LNPEP: variants seen among roughly 807,000 people sequenced by gnomAD.
The protein encoded by LNPEP is leucyl-cystinyl aminopeptidase.
LNPEP carries 64 observed loss-of-function variants against 120.6 expected under a neutral mutation model. That is an observed-to-expected ratio of 0.53 (90% confidence interval 0.43 to 0.65). The LOEUF (loss-of-function observed/expected upper bound fraction) is 0.65, where lower values mean the gene tolerates loss of function less well. Among genes scored for constraint, LNPEP ranks in the 30% least tolerant of loss-of-function variants. The pLI, the probability that LNPEP is intolerant of heterozygous loss-of-function variation, is 0.00. For synonymous variants in LNPEP, 435 were observed against 425.4 expected (o/e 1.02, Z -0.28); for missense variants, 1,057 against 1,200.0 (o/e 0.88, Z 1.76).
At position 96,994,112 on chromosome 5, in the gene LNPEP, C is replaced by A. The variant is rs1790453712; in HGVS notation, c.1407+141C>A. 5 of 681,994 alleles carry A rather than the reference C, an allele frequency of 7.3e-6. No homozygotes were observed. The South Asian group carries it at 1.1e-4, about 15-fold the overall frequency. The allele number at this position is 681,994 out of a possible 1,614,324, so 42.2% of individuals were successfully genotyped here. A position where few individuals can be genotyped will look rare whatever the true frequency, so the allele number is the denominator to read the frequency against. The stretch of plus-strand genomic sequence containing the variant: ...ATAATAGAAAGATGCTTTTTAAACA[C>A]AAACTTCATTTTCAAATGAAAATGC... On this transcript the variant is annotated intron_variant, in intron 6 of 17. Transcript: ENST00000231368.
intron 9 of LNPEP, among the ~76,000 whole-genome samples, chr5:97,004,542 G>A (rs1790733451): frequency 6.6e-6 from 1 of 151,324 alleles, no homozygotes; most frequent in Admixed American, 6.6e-5. Context: ...AAAGATCACA[G>A]ACTTATTTGG....
rs1182684955 is a variant in LNPEP at position 96,998,054 on chromosome 5, A to G, written c.1562A>G (p.Lys521Arg). The G allele has an allele frequency of 6.3e-7, 1 of 1,582,676 alleles. No individual in the cohort carries two copies. Among genetic ancestry groups the G allele is most frequent in the South Asian group, 1.1e-5 (1 of 88,452 alleles). ...FLDARFKTMK[K>R]DSLNSSHPIS... The stretch of plus-strand genomic sequence containing the variant: ...GATGCTCGATTTAAAACCATGAAGA[A>G]AGATTCCTTAAATTCATCTCATCCA... The change falls in exon 8 of 18, where the codon AAA becomes AGA. Residue 521 changes from lysine (K) to arginine (R), a missense_variant. Physicochemically the swap from Lys to Arg is conservative, Grantham distance 26 (BLOSUM62 2). Coordinates refer to ENST00000231368, the MANE Select transcript of LNPEP (RefSeq NM_005575.3).
At chr5:96,987,468 T>C (rs916545560) in intron 4 of LNPEP, among the ~76,000 whole-genome samples, 1 of 152,200 alleles carries the variant, frequency 6.6e-6, no homozygotes, top group Admixed American at 6.5e-5. Context: ...CTGCTAGTTT[T>C]GGGTTTCCTT....
rs758111963 is a variant in LNPEP, at chr5:97,001,302, T to C, written c.1654-2113T>C. The stretch of plus-strand genomic sequence containing the variant: ...GTAGAATTTGTTCATGGATTAGATA[T>C]GAAATACGAGAGAGGGGTCAGGGTA... On this transcript the variant is annotated intron_variant, in intron 8 of 17. Coordinates refer to ENST00000231368, the MANE Select transcript of LNPEP (RefSeq NM_005575.3). Among the ~76,000 whole-genome samples the C allele has an allele frequency of 1.3e-4, 20 of 152,158 alleles. No individual in the cohort carries two copies. The South Asian group carries it at 3.9e-3, about 30-fold the overall frequency.
At chr5:97,024,819 T>G in intron 15 of LNPEP, 137 bp downstream of exon 15, 1 of 706,746 alleles carries the variant, frequency 1.4e-6, no homozygotes, top group Non-Finnish European at 2.3e-6. Context: ...GACAGTGTGG[T>G]GAGGAGACTA....
chr5:96,944,496 G>A (rs919093922), intron 1 of LNPEP, among the ~76,000 whole-genome samples: 8 of 151,614 alleles, frequency 5.3e-5, no homozygotes, highest in African/African-American at 9.7e-5. Flanking sequence ...AACTCAAAGC[G>A]GGGACTTCTA....
Position 96,993,879 on chromosome 5 carries a change from C to T in LNPEP, c.1315C>T (p.Arg439Ter), listed in dbSNP as rs1009157539. The T allele has an allele frequency of 5.0e-6, 8 of 1,613,774 alleles. No homozygotes were observed. The highest frequency in any genetic ancestry group is 6.8e-6 in the Non-Finnish European group (8 of 1,179,782). The stretch of plus-strand genomic sequence containing the variant: ...GGAAAATTGGGGTTTGCTCACCTTC[C>T]GAGAGGAGACACTTCTGTATGACAG... ...AMENWGLLTF[R>*]EETLLYDSNT... Residue 439 changes from arginine (R) to a stop codon, truncating the protein, a stop_gained, in exon 6 of 18, where the codon CGA (arginine) becomes TGA (stop). Transcript: ENST00000231368. LOFTEE classifies it high-confidence loss of function.
chr5:96,946,646 A>G (rs1789191239), intron 1 of LNPEP, among the ~76,000 whole-genome samples: 1 of 152,366 alleles, frequency 6.6e-6, no homozygotes, highest in South Asian at 2.1e-4. Flanking sequence ...TGACTAATCC[A>G]TAACTAATTT....
At chr5:96,940,345 A>G (rs560854739) in intron 1 of LNPEP, among the ~76,000 whole-genome samples, 2 of 152,274 alleles carry the variant, frequency 1.3e-5, no homozygotes, top group South Asian at 4.1e-4. Flanking sequence ...GAAATTATAT[A>G]GAAAATAAGT....
Position 97,022,305 on chromosome 5 carries a change from G to T in LNPEP, c.2382G>T (p.Arg794Ser). The change falls in exon 14 of 18, where the codon AGG (arginine) becomes AGT (serine). Residue 794 changes from arginine (R) to serine (S), a missense_variant. Transcript: ENST00000231368. ...AATCTATTTTGTCTCTCTAGACTAG[G>T]GTATTTAAATTACTTCAAAACCAAA... ...YMDLASRLVT[R>S]VFKLLQNQIQ... The T allele has an allele frequency of 6.3e-7, 1 of 1,576,470 alleles. No individual in the cohort carries two copies. The highest frequency in any genetic ancestry group is 1.1e-5 in the South Asian group (1 of 89,466).
rs764050220 is a variant in LNPEP at position 97,003,478 on chromosome 5, G to C, written c.1717G>C (p.Val573Leu). The C allele has an allele frequency of 6.2e-7, 1 of 1,602,434 alleles. No individual in the cohort carries two copies. Among genetic ancestry groups the C allele is most frequent in the Non-Finnish European group, 8.5e-7 (1 of 1,172,068 alleles). Residue 573 changes from valine (V) to leucine (L), a missense_variant, in exon 9 of 18, where the codon GTC (valine) becomes CTC (leucine). By Grantham distance (32) the Val-to-Leu change is conservative. Transcript: ENST00000231368. ...LSEDVFQHAV[V>L]LYLHNHSYAS... is the part of the protein sequence containing the mutation. Reference sequence around the variant, plus strand: ...TGAAGATGTGTTTCAACATGCTGTTGTCCTTTACCTGCATAATCACAGCTA... The same window carrying C: ...TGAAGATGTGTTTCAACATGCTGTTCTCCTTTACCTGCATAATCACAGCTA...
At chr5:97,013,375 T>C (rs374363626) in intron 11 of LNPEP, among the ~76,000 whole-genome samples, 1 of 152,212 alleles carries the variant, frequency 6.6e-6, no homozygotes, top group Non-Finnish European at 1.5e-5. Context: ...TACTTTAGAC[T>C]GTGAGATCTC....
At chr5:96,947,019 T>TTTAAATA (rs1554065952) in intron 1 of LNPEP, among the ~76,000 whole-genome samples, 5 of 152,228 alleles carry the variant, frequency 3.3e-5, no homozygotes, top group Admixed American at 2.0e-4. Flanking sequence ...TAAGGAATTA[T>TTTAAATA]AGGTTAAGAT....
At chr5:97,010,381 G>T in intron 11 of LNPEP, 1 of 984,722 alleles carries the variant, frequency 1.0e-6, no homozygotes, top group Non-Finnish European at 1.2e-6. Flanking sequence ...AGAAGGAAGG[G>T]CATATAGTAA....
chr5:96,957,151 T>C (rs1480892559), intron 1 of LNPEP, among the ~76,000 whole-genome samples: 1 of 152,244 alleles, frequency 6.6e-6, no homozygotes, highest in South Asian at 2.1e-4. Flanking sequence ...TTACATTTTC[T>C]TGGTCCTTTG....
At chr5:96,999,272 G>A (rs1286064693) in intron 8 of LNPEP, among the ~76,000 whole-genome samples, 4 of 152,296 alleles carry the variant, frequency 2.6e-5, no homozygotes, top group Middle Eastern at 3.4e-3. Context: ...GTCCAGGCAT[G>A]AAATGGTAAA....
intron 1 of LNPEP, among the ~76,000 whole-genome samples, chr5:96,974,496 C>T (rs1324695590): frequency 1.3e-5 from 2 of 152,120 alleles, no homozygotes; most frequent in Admixed American, 6.5e-5. Flanking sequence ...CTTTACTGTT[C>T]CTTTCCTGCA....
chr5:97,004,751 T>C (rs1218832205), intron 9 of LNPEP, among the ~76,000 whole-genome samples: 1 of 152,154 alleles, frequency 6.6e-6, no homozygotes, highest in Non-Finnish European at 1.5e-5. Context: ...AGATATACCT[T>C]CCCTACTCTC....
chr5:97,018,132 T>C (rs1009789514), intron 13 of LNPEP, among the ~76,000 whole-genome samples: 3 of 152,162 alleles, frequency 2.0e-5, no homozygotes, highest in Non-Finnish European at 2.9e-5. Context: ...TTTGAGGGGA[T>C]ACTATTCAAC....
Sources: gnomAD v4.1 joint callset for allele counts (sites outside exome capture counted in the v4.1 genomes callset) on GRCh38, gnomAD v4.1.1 for gene constraint, MANE v1.5 for transcripts, NCBI Gene and HGNC (gene_info 2026-07-23, HGNC 2026-07-21) for gene names.